The following DCHS2 variants were observed in gnomAD, a reference collection of about 807,000 sequenced individuals.
The protein encoded by DCHS2 is protocadherin-23.
In DCHS2, 142 loss-of-function variants were observed where a neutral mutation model predicts 182.4. That is an observed-to-expected ratio of 0.78 (90% CI 0.68 to 0.89). DCHS2 has a LOEUF of 0.89. Among genes scored for constraint, DCHS2 ranks in the 40% least tolerant of loss-of-function variants. The pLI, the probability that DCHS2 is intolerant of heterozygous loss-of-function variation, is 0.00. For missense variants in DCHS2, 4,319 were observed against 4,198.6 expected, an observed-to-expected ratio of 1.03 and a Z score of -0.79; for synonymous variants, 1,740 against 1,663.3, an observed-to-expected ratio of 1.05 and a Z score of -1.12.
In DCHS2 at chr4:154,332,967, A is replaced by G. The variant is rs1174920979; in HGVS notation, c.3241T>C (p.Ser1081Pro). ...VVIEKREHSP[S>P]WTFEHLVYQV... Reference sequence around the variant, plus strand: ...TAGACCAAATGTTCGAAAGTCCAGGATGGGCTGTGTTCGCGTTTCTCGATA... The same window carrying G: ...TAGACCAAATGTTCGAAAGTCCAGGGTGGGCTGTGTTCGCGTTTCTCGATA... Residue 1081 changes from serine to proline, a missense_variant, in exon 5 of 20, where the codon TCC (serine) becomes CCC (proline). Coordinates refer to ENST00000357232, the MANE Select transcript of DCHS2 (RefSeq NM_001358235.2). 3 of 1,614,192 alleles carry G rather than the reference A, an allele frequency of 1.9e-6. No individual in the cohort carries two copies. In the South Asian group the frequency reaches 3.3e-5, roughly 18 times the overall value.
In DCHS2 at chr4:154,259,237, CTAAATGCATACTTCTATTGTATTAA is replaced by C. The variant is rs1274118371; in HGVS notation, c.6789+283_6789+307del. ...GTGTCTCCTCTTTTCACTCATTACA[CTAAATGCATACTTCTATTGTATTAA>C]TAAATGCATACTTCTAGTGCTCAAC... On this transcript the variant is annotated intron_variant, in intron 15 of 19. Transcript: ENST00000357232. Among the ~76,000 whole-genome samples, 14 of 152,206 alleles carry C rather than the reference CTAAATGCATACTTCTATTGTATTAA, an allele frequency of 9.2e-5. No homozygotes were observed. In the South Asian group the frequency reaches 2.7e-3, roughly 29 times the overall value.
At chr4:154,488,903 TGTGTGTGTG>T (rs1364295785) in intron 1 of DCHS2, among the ~76,000 whole-genome samples, 6 of 4,532 alleles carry the variant, frequency 1.3e-3, no homozygotes, top group Admixed American at 0.017. Flanking sequence ...TGTGTGTGTC[TGTGTGTGTG>T]TGTGTGTGTG....
At position 154,454,150 on chromosome 4, in the gene DCHS2, C is replaced by T. The variant is rs543385967; in HGVS notation, c.2052+35154G>A. On this transcript the variant is annotated intron_variant, in intron 1 of 19. Transcript: ENST00000357232. ...ACATGCGCGCGCACACACACACACA[C>T]ACACACCCCTTGCCAGGATATCGAT... is the stretch of plus-strand genomic sequence containing the variant. Among the ~76,000 whole-genome samples the T allele has an allele frequency of 3.1e-3, 468 of 152,220 alleles. 19 individuals are homozygous for T. The South Asian group carries it at 0.069, about 22-fold the overall frequency.
intron 10 of DCHS2, among the ~76,000 whole-genome samples, chr4:154,313,174 G>C (rs1409560943): frequency 6.6e-6 from 1 of 152,128 alleles, no homozygotes; most frequent in South Asian, 2.1e-4. Flanking sequence ...ATTCCCAGTG[G>C]GGCACCCTTT....
At chr4:154,465,941 G>T (rs1324018525) in intron 1 of DCHS2, among the ~76,000 whole-genome samples, 1 of 152,090 alleles carries the variant, frequency 6.6e-6, no homozygotes, top group African/African-American at 2.4e-5. Flanking sequence ...GATCCATAAA[G>T]CTTCAGATAT....
intron 1 of DCHS2, among the ~76,000 whole-genome samples, chr4:154,488,886 ATGTGTGTGTGTG>A (rs748997852): frequency 8.5e-6 from 1 of 117,920 alleles, no homozygotes; most frequent in South Asian, 3.1e-4. Context: ...AAATATATAT[ATGTGTGTGTGTG>A]TGTCTGTGTG....
At chr4:154,433,473 C>A (rs978979389) in intron 1 of DCHS2, among the ~76,000 whole-genome samples, 1 of 143,760 alleles carries the variant, frequency 7.0e-6, no homozygotes, top group African/African-American at 2.6e-5. Context: ...CCGCTCACTG[C>A]AACCTCTGCT....
Position 154,433,221 on chromosome 4 carries a change from G to A in DCHS2, c.2053-55777C>T, listed in dbSNP as rs566598097. ...AATGGAGGCAGTTTGGAATGATGCA[G>A]CCACAAGCCAAGGAGGGAGGAAGGA... On this transcript the variant is annotated intron_variant, in intron 1 of 19. Transcript: ENST00000357232. Among the ~76,000 whole-genome samples the A allele has an allele frequency of 1.6e-3, 236 of 152,132 alleles. 1 individual carries two copies. The highest frequency in any genetic ancestry group is 5.5e-3 in the African/African-American group (227 of 41,504).
intron 9 of DCHS2, among the ~76,000 whole-genome samples, chr4:154,319,176 T>G (rs1735962862): frequency 1.3e-5 from 2 of 152,072 alleles, no homozygotes; most frequent in South Asian, 4.1e-4. Flanking sequence ...TATCTTACAC[T>G]ATACAAAAAT....
At chr4:154,412,269 C>T (rs1381964057) in intron 1 of DCHS2, among the ~76,000 whole-genome samples, 2 of 152,088 alleles carry the variant, frequency 1.3e-5, no homozygotes, top group East Asian at 1.9e-4. Flanking sequence ...TCTCTCTGAG[C>T]GCAGAGCAAA....
intron 3 of DCHS2, among the ~76,000 whole-genome samples, chr4:154,342,118 G>T (rs1325946443): frequency 6.6e-6 from 1 of 151,906 alleles, no homozygotes; most frequent in African/African-American, 2.4e-5. Context: ...TGCATAAAAA[G>T]TTATGTTTAC....
chr4:154,248,506 A>AT (rs1321266850), intron 16 of DCHS2, among the ~76,000 whole-genome samples: 1 of 152,206 alleles, frequency 6.6e-6, no homozygotes, highest in East Asian at 1.9e-4. Context: ...ACACTATTTG[A>AT]TTTTTTTAAA....
At chr4:154,274,767 A>G (rs1733757888) in intron 13 of DCHS2, among the ~76,000 whole-genome samples, 1 of 152,148 alleles carries the variant, frequency 6.6e-6, no homozygotes, top group South Asian at 2.1e-4. Context: ...AGATTAGAAA[A>G]ATCCTGGTCT....
At chr4:154,391,574 G>A (rs1290688937) in intron 1 of DCHS2, among the ~76,000 whole-genome samples, 2 of 152,138 alleles carry the variant, frequency 1.3e-5, no homozygotes, top group Non-Finnish European at 2.9e-5. Context: ...GGCAACAAAA[G>A]TCCAGGCAAA....
In DCHS2 at chr4:154,278,365, C is replaced by T. The variant is rs181811676; in HGVS notation, c.6464-8352G>A. On this transcript the variant is annotated intron_variant, in intron 13 of 19. Coordinates refer to ENST00000357232, the MANE Select transcript of DCHS2 (RefSeq NM_001358235.2). ...AGAAAAGTGAAGGAAGCCTAAGGAA[C>T]TCATGGGACATCATCAAGTGGACCA... Among the ~76,000 whole-genome samples, 208 of 152,040 alleles carry T rather than the reference C, an allele frequency of 1.4e-3. 1 individual carries two copies. Among genetic ancestry groups the T allele is most frequent in the Admixed American group, 4.1e-3 (62 of 15,254 alleles).
chr4:154,482,907 G>A (rs1376234916), intron 1 of DCHS2, among the ~76,000 whole-genome samples: 1 of 152,226 alleles, frequency 6.6e-6, no homozygotes, highest in East Asian at 1.9e-4. Context: ...TACCTGTAAA[G>A]AGTAAAGGCA....
chr4:154,479,984 A>AG (rs1735857242), intron 1 of DCHS2, among the ~76,000 whole-genome samples: 1 of 152,238 alleles, frequency 6.6e-6, no homozygotes, highest in Admixed American at 6.5e-5. Flanking sequence ...ACAATGTAAC[A>AG]GAACAGCCTT....
At chr4:154,460,701 T>A (rs1235482024) in intron 1 of DCHS2, among the ~76,000 whole-genome samples, 2 of 152,150 alleles carry the variant, frequency 1.3e-5, no homozygotes, top group East Asian at 3.8e-4. Flanking sequence ...GGGTTAGATA[T>A]TCCATATAAA....
At chr4:154,305,520 A>G (rs2111301605) in intron 10 of DCHS2, among the ~76,000 whole-genome samples, 1 of 152,282 alleles carries the variant, frequency 6.6e-6, no homozygotes, top group East Asian at 1.9e-4. Context: ...GCAACTCTAC[A>G]ACATATTCCT....
Sources: allele counts gnomAD v4.1 joint callset (sites outside exome capture counted in the v4.1 genomes callset), GRCh38; gene constraint gnomAD v4.1.1; transcripts MANE v1.5; gene names NCBI Gene and HGNC (gene_info 2026-07-23, HGNC 2026-07-21).